Variants in PTPRT observed in about 807,000 individuals in gnomAD.
The protein encoded by PTPRT is receptor-type tyrosine-protein phosphatase T.
PTPRT carries 56 observed loss-of-function variants against 176.8 expected under a neutral mutation model. The ratio of observed to expected loss-of-function variants is 0.32; its 90% CI spans 0.26 to 0.40. PTPRT has a LOEUF of 0.40. PTPRT is among the 10% of genes least tolerant of loss of function. The pLI is 1.00. For missense variants in PTPRT, 1,540 were observed against 1,908.2 expected (o/e 0.81, Z 3.60); for synonymous variants, 783 against 739.0 (o/e 1.06, Z -0.96).
intron 18 of PTPRT, 54 bp downstream of exon 18, chr20:42,141,861 T>C (rs1988645129): frequency 4.7e-6 from 7 of 1,476,984 alleles, no homozygotes; most frequent in Non-Finnish European, 6.6e-6. Flanking sequence ...AATAGCCTCT[T>C]TTCCCCTGCA....
chr20:42,570,795 C>T (rs6130166), intron 7 of PTPRT, among the ~76,000 whole-genome samples: 1 of 151,946 alleles, frequency 6.6e-6, no homozygotes, highest in African/African-American at 2.4e-5. Context: ...ACATTGGGCC[C>T]ACCTGAATAA....
At chr20:42,773,104 G>A (rs1388785449) in intron 4 of PTPRT, among the ~76,000 whole-genome samples, 2 of 152,220 alleles carry the variant, frequency 1.3e-5, no homozygotes, top group Non-Finnish European at 1.5e-5. Flanking sequence ...TCCAGGGTCT[G>A]CAGAAGGGGC....
chr20:42,490,145 T>C (rs1311672956), intron 7 of PTPRT, among the ~76,000 whole-genome samples: 2 of 152,194 alleles, frequency 1.3e-5, no homozygotes, highest in East Asian at 3.9e-4. Flanking sequence ...CTTAATAGTA[T>C]ATTTTATAGA....
intron 4 of PTPRT, among the ~76,000 whole-genome samples, chr20:42,774,470 C>T (rs1005411882): frequency 1.3e-5 from 2 of 152,136 alleles, no homozygotes; most frequent in African/African-American, 4.8e-5. Context: ...GGGTGTCAAA[C>T]GTCTGATTTC....
intron 1 of PTPRT, among the ~76,000 whole-genome samples, chr20:43,049,143 C>T (rs1313237424): frequency 2.0e-5 from 3 of 152,170 alleles, no homozygotes; most frequent in African/African-American, 7.2e-5. Context: ...CACCTCTCAG[C>T]CCCACCATTC....
the PTPRT span, among the ~76,000 whole-genome samples, chr20:42,039,976 C>T: frequency 1.3e-5 from 2 of 151,940 alleles, no homozygotes; most frequent in Non-Finnish European, 2.9e-5. Flanking sequence ...CTGGATCATA[C>T]GGTAGTTCTA....
intron 7 of PTPRT, among the ~76,000 whole-genome samples, chr20:42,521,892 T>G (rs2072183526): frequency 6.6e-6 from 1 of 152,116 alleles, no homozygotes; most frequent in Non-Finnish European, 1.5e-5. Flanking sequence ...CCTGGAAGCA[T>G]GAAAGAATTA....
At chr20:43,186,769 A>C (rs1221573174) in intron 1 of PTPRT, among the ~76,000 whole-genome samples, 2 of 152,264 alleles carry the variant, frequency 1.3e-5, no homozygotes, top group Non-Finnish European at 2.9e-5. Context: ...AATCCATGAC[A>C]GAAAGTAAAA....
At chr20:43,045,971 A>C (rs1365356063) in intron 1 of PTPRT, among the ~76,000 whole-genome samples, 1 of 152,202 alleles carries the variant, frequency 6.6e-6, no homozygotes, top group Non-Finnish European at 1.5e-5. Context: ...AGAGTTCAGG[A>C]ATGGGCATTC....
chr20:42,530,068 G>T (rs544459316), intron 7 of PTPRT, among the ~76,000 whole-genome samples: 1 of 152,252 alleles, frequency 6.6e-6, no homozygotes, highest in East Asian at 1.9e-4. Context: ...TCCTGGATGA[G>T]TTTATAAGAC....
At chr20:42,238,966 A>G (rs936143103) in intron 14 of PTPRT, among the ~76,000 whole-genome samples, 2 of 152,180 alleles carry the variant, frequency 1.3e-5, no homozygotes, top group Non-Finnish European at 2.9e-5. Flanking sequence ...ATATTAATCT[A>G]AATTATACTC....
rs141814509 is a variant in PTPRT, at chr20:42,307,496, C to T, written c.2139+8227G>A. ...GATGGGGTATCCAAGACCCAAACTG[C>T]CATGTGATCTCCTGATGATCTTAAC... On this transcript the variant is annotated intron_variant, in intron 12 of 30. Transcript: ENST00000373187. Among the ~76,000 whole-genome samples the T allele has an allele frequency of 3.0e-3, 455 of 152,248 alleles. 1 individual carries two copies. The highest frequency in any genetic ancestry group is 6.0e-3 in the Admixed American group (91 of 15,294).
intron 6 of PTPRT, among the ~76,000 whole-genome samples, chr20:42,725,081 T>A (rs6030439): frequency 6.6e-6 from 1 of 150,588 alleles, no homozygotes; most frequent in African/African-American, 2.4e-5. Context: ...AGGCTGGAGT[T>A]CAATGGAATG....
At chr20:42,478,932 A>C (rs2071335532) in intron 7 of PTPRT, among the ~76,000 whole-genome samples, 1 of 152,192 alleles carries the variant, frequency 6.6e-6, no homozygotes, top group African/African-American at 2.4e-5. Flanking sequence ...GAAAGTAGTG[A>C]TAGCTGAAGA....
intron 1 of PTPRT, among the ~76,000 whole-genome samples, chr20:43,112,767 G>A (rs907687390): frequency 2.0e-5 from 3 of 152,208 alleles, no homozygotes; most frequent in Admixed American, 6.5e-5. Flanking sequence ...ATGGCCCAGG[G>A]AGACTTTTAA....
chr20:43,063,668 T>C (rs1987560990), intron 1 of PTPRT: 1 of 152,224 alleles, frequency 6.6e-6, no homozygotes, highest in Non-Finnish European at 1.5e-5. Flanking sequence ...TTGGAAGAAA[T>C]TCCTAAATGT....
intron 1 of PTPRT, among the ~76,000 whole-genome samples, chr20:43,149,451 G>A (rs2014272947): frequency 6.6e-6 from 1 of 152,212 alleles, no homozygotes; most frequent in Admixed American, 6.5e-5. Flanking sequence ...ACAGTCAAGG[G>A]AGGTATTTGA....
At chr20:42,919,891 A>G (rs1195026381) in intron 1 of PTPRT, among the ~76,000 whole-genome samples, 1 of 152,236 alleles carries the variant, frequency 6.6e-6, no homozygotes, top group African/African-American at 2.4e-5. Flanking sequence ...GGGTGCCATA[A>G]GAGATTTCCT....
intron 2 of PTPRT, among the ~76,000 whole-genome samples, chr20:42,797,010 C>T (rs771163348): frequency 2.0e-5 from 3 of 152,170 alleles, no homozygotes; most frequent in African/African-American, 7.2e-5. Flanking sequence ...AGATAAGTAT[C>T]GCTGCATGTA....
Sources: gnomAD v4.1 joint callset for allele counts (sites outside exome capture counted in the v4.1 genomes callset) on GRCh38, gnomAD v4.1.1 for gene constraint, MANE v1.5 for transcripts, NCBI Gene and HGNC (gene_info 2026-07-23, HGNC 2026-07-21) for gene names.